The following PCDH9 variants were observed in gnomAD, a reference collection of about 807,000 sequenced individuals.
The protein encoded by PCDH9 is protocadherin-9.
A neutral mutation model predicts 70.6 loss-of-function variants in PCDH9; 24 were observed. The observed-to-expected ratio is 0.34, with a 90% CI of 0.25 to 0.48. The LOEUF is 0.48. PCDH9 is among the 20% of genes least tolerant of loss of function. The pLI is 0.99. For synonymous variants in PCDH9, 562 were observed against 558.5 expected, an observed-to-expected ratio of 1.01 and a Z score of -0.09; for missense variants, 1,281 against 1,503.6, an observed-to-expected ratio of 0.85 and a Z score of 2.45.
intron 2 of PCDH9, among the ~76,000 whole-genome samples, chr13:67,098,656 T>A (rs1446924907): frequency 6.6e-6 from 1 of 152,132 alleles, no homozygotes; most frequent in African/African-American, 2.4e-5. Flanking sequence ...ATGAAGTAGA[T>A]TAATTAATGT....
At chr13:66,826,749 G>T (rs2080830314) in intron 3 of PCDH9, among the ~76,000 whole-genome samples, 1 of 152,168 alleles carries the variant, frequency 6.6e-6, no homozygotes, top group Non-Finnish European at 1.5e-5. Flanking sequence ...CAGAGTCAGA[G>T]AAGATATTTT....
chr13:67,179,702 A>G (rs749133907), intron 2 of PCDH9, among the ~76,000 whole-genome samples: 39 of 152,094 alleles, frequency 2.6e-4, no homozygotes, highest in Non-Finnish European at 5.3e-4. Context: ...TTATGAAGTA[A>G]ATATTGTACA....
intron 4 of PCDH9, among the ~76,000 whole-genome samples, chr13:66,533,814 A>G: frequency 6.6e-6 from 1 of 152,160 alleles, no homozygotes; most frequent in East Asian, 1.9e-4. Context: ...CTTTCAAATC[A>G]TCTAACTGGC....
At chr13:66,500,501 G>T (rs1039414535) in intron 4 of PCDH9, among the ~76,000 whole-genome samples, 2 of 151,524 alleles carry the variant, frequency 1.3e-5, no homozygotes, top group African/African-American at 2.4e-5. Context: ...AAGTTTTTTT[G>T]TTTGTTTGTT....
chr13:67,225,712 A>G lies in PCDH9; in HGVS notation c.2729T>C (p.Leu910Pro). ...INGTISLPAE[L>P]EEQSIGRFDW... ...AAATCTTCCTATACTTTGCTCCTCC[A>G]GTTCAGCCGGCAGGCTTATTGTCCC... Residue 910 changes from leucine (L) to proline (P), a missense_variant, in exon 2 of 5, where the codon CTG (leucine) becomes CCG (proline). By Grantham distance (98) the Leu-to-Pro change is moderately conservative. This residue lies in a region of PCDH9 where 207 missense variants were observed against 191.8 expected (regional missense o/e 1.08). Transcript: ENST00000377865. The G allele has an allele frequency of 1.2e-6, 2 of 1,614,224 alleles. No individual in the cohort carries two copies. The highest frequency in any genetic ancestry group is 1.1e-5 in the South Asian group (1 of 91,082).
At chr13:66,463,361 C>T (rs7321696) in intron 4 of PCDH9, among the ~76,000 whole-genome samples, 18,732 of 151,682 alleles carry the variant, frequency 0.12, 1,342 homozygotes, top group Middle Eastern at 0.21. Context: ...TGACTTAGAA[C>T]ACATTGTATA....
At chr13:66,758,909 G>A (rs1028862054) in intron 3 of PCDH9, among the ~76,000 whole-genome samples, 1 of 151,924 alleles carries the variant, frequency 6.6e-6, no homozygotes, top group African/African-American at 2.4e-5. Flanking sequence ...TTTGTTGGCA[G>A]GTAATTGTTC....
At chr13:66,328,289 C>G (rs1402511050) in intron 4 of PCDH9, among the ~76,000 whole-genome samples, 2 of 152,020 alleles carry the variant, frequency 1.3e-5, no homozygotes, top group Non-Finnish European at 2.9e-5. Context: ...TTTTCAGACA[C>G]AAATAATACT....
At chr13:66,992,880 C>T (rs73211150) in intron 2 of PCDH9, among the ~76,000 whole-genome samples, 2,106 of 147,346 alleles carry the variant, frequency 0.014, 27 homozygotes, top group Middle Eastern at 0.024. Flanking sequence ...GAAAGTGTTG[C>T]GTCACTTCAA....
intron 3 of PCDH9, among the ~76,000 whole-genome samples, chr13:66,761,183 G>GT (rs35817046): frequency 0.98 from 149,699 of 152,162 alleles, 73,672 homozygotes; most frequent in East Asian, 1. Context: ...AAACTTGCTG[G>GT]TTTGCGGCTT....
chr13:67,004,961 T>C (rs2084322061), intron 2 of PCDH9, among the ~76,000 whole-genome samples: 1 of 152,158 alleles, frequency 6.6e-6, no homozygotes, highest in Non-Finnish European at 1.5e-5. Context: ...GTGGTCCACC[T>C]AGCAATAAAT....
chr13:66,390,263 A>G (rs1264976068), intron 4 of PCDH9, among the ~76,000 whole-genome samples: 2 of 152,174 alleles, frequency 1.3e-5, no homozygotes, highest in Non-Finnish European at 2.9e-5. Flanking sequence ...AATCTGAGAG[A>G]TCAATGTGGA....
chr13:67,190,214 G>C (rs1022753143), intron 2 of PCDH9, among the ~76,000 whole-genome samples: 1 of 151,924 alleles, frequency 6.6e-6, no homozygotes. Context: ...CTAGCCCTTT[G>C]ATACCCAGTT....
chr13:66,878,047 T>C (rs1479104736), intron 3 of PCDH9, among the ~76,000 whole-genome samples: 2 of 152,108 alleles, frequency 1.3e-5, no homozygotes, highest in Admixed American at 6.5e-5. Flanking sequence ...TTTTTAAAAC[T>C]TTCATGAATG....
chr13:66,989,070 T>C (rs901687774), intron 2 of PCDH9, among the ~76,000 whole-genome samples: 3 of 151,920 alleles, frequency 2.0e-5, no homozygotes, highest in Non-Finnish European at 4.4e-5. Context: ...ACTAACAGAA[T>C]AGGTGAGTCT....
intron 4 of PCDH9, among the ~76,000 whole-genome samples, chr13:66,542,346 T>A (rs1410888453): frequency 6.6e-6 from 1 of 152,118 alleles, no homozygotes; most frequent in Non-Finnish European, 1.5e-5. Context: ...CAGATTCCAA[T>A]CTTGGTGTTG....
At chr13:66,762,933 G>A (rs183403044) in intron 3 of PCDH9, among the ~76,000 whole-genome samples, 179 of 151,888 alleles carry the variant, frequency 1.2e-3, no homozygotes, top group South Asian at 5.0e-3. Context: ...CAAAGCAAGC[G>A]TATGGTAAAT....
intron 3 of PCDH9, among the ~76,000 whole-genome samples, chr13:66,778,013 T>C (rs1044102586): frequency 1.3e-5 from 2 of 151,520 alleles, no homozygotes; most frequent in Admixed American, 1.3e-4. Context: ...ATCATCATTC[T>C]CAGTAAACTA....
intron 4 of PCDH9, among the ~76,000 whole-genome samples, chr13:66,464,647 G>C (rs1287074296): frequency 6.6e-6 from 1 of 152,036 alleles, no homozygotes; most frequent in East Asian, 1.9e-4. Context: ...GTAATCAAAG[G>C]CTTGGCCATG....
Sources: allele counts gnomAD v4.1 joint callset (sites outside exome capture counted in the v4.1 genomes callset), GRCh38; gene constraint gnomAD v4.1.1; regional missense constraint gnomAD v4.1.1; transcripts MANE v1.5; gene names NCBI Gene and HGNC (gene_info 2026-07-23, HGNC 2026-07-21).